Variants in PCLO observed in about 807,000 individuals in gnomAD.
PCLO encodes protein piccolo.
PCLO carries 82 observed loss-of-function variants against 427.5 expected under a neutral mutation model. That is an observed-to-expected ratio of 0.19 (90% CI 0.16 to 0.23). The LOEUF (loss-of-function observed/expected upper bound fraction) is 0.23. Among genes scored for constraint, PCLO ranks in the 10% least tolerant of loss-of-function variants. The pLI, the probability that PCLO is intolerant of heterozygous loss-of-function variation, is 1.00. For synonymous variants in PCLO, 2,357 were observed against 2,155.4 expected, an observed-to-expected ratio of 1.09 and a Z score of -2.59; for missense variants, 6,239 against 6,115.9, an observed-to-expected ratio of 1.02 and a Z score of -0.67.
At chr7:83,034,624 C>T (rs1017605322) in intron 3 of PCLO, among the ~76,000 whole-genome samples, 1 of 152,226 alleles carries the variant, frequency 6.6e-6, no homozygotes, top group Non-Finnish European at 1.5e-5. Flanking sequence ...AGCCAAGTCT[C>T]TCACATATTG....
At chr7:82,840,911 A>ATT (rs911326339) in intron 14 of PCLO, among the ~76,000 whole-genome samples, 6 of 151,820 alleles carry the variant, frequency 4.0e-5, no homozygotes, top group African/African-American at 1.4e-4. Flanking sequence ...ATATATAAAT[A>ATT]TCAAAACACA....
At chr7:83,104,371 T>G (rs1485627191) in intron 3 of PCLO, among the ~76,000 whole-genome samples, 1 of 152,036 alleles carries the variant, frequency 6.6e-6, no homozygotes, top group Non-Finnish European at 1.5e-5. Context: ...CTCAGCCATT[T>G]AATAATATAC....
chr7:82,818,648 T>G (rs1791725565), intron 20 of PCLO, among the ~76,000 whole-genome samples: 1 of 152,182 alleles, frequency 6.6e-6, no homozygotes, highest in African/African-American at 2.4e-5. Context: ...TCAAAAATTA[T>G]AACTCAAAAA....
chr7:82,859,047 G>T (rs1792884430), intron 10 of PCLO, among the ~76,000 whole-genome samples: 1 of 152,170 alleles, frequency 6.6e-6, no homozygotes, highest in Non-Finnish European at 1.5e-5. Flanking sequence ...GAGTGGGAAG[G>T]ATTGCGTTTG....
intron 22 of PCLO, among the ~76,000 whole-genome samples, chr7:82,768,347 T>G (rs544941067): frequency 6.6e-6 from 1 of 151,040 alleles, no homozygotes; most frequent in East Asian, 2.0e-4. Flanking sequence ...TGCCTGAACC[T>G]GGGAGGCAGA....
At position 83,156,409 on chromosome 7, in the gene PCLO, A is replaced by G. The variant is rs769628137; in HGVS notation, c.249-17T>C. On this transcript the variant is annotated splice_polypyrimidine_tract_variant and intron_variant, in intron 1 of 24. Transcript: ENST00000333891. ...TCTTGTTTCCTAGAAGAGTTAAAAA[A>G]AAAAAAAAAAATCAAGTGAAAATAA... 5 of 1,425,952 alleles carry G rather than the reference A, an allele frequency of 3.5e-6. No individual in the cohort carries two copies. In the African/African-American group the frequency reaches 4.3e-5, roughly 12 times the overall value. The allele number at this position is 1,425,952 out of a possible 1,614,324, so 88.3% of individuals were successfully genotyped here. A position where few individuals can be genotyped will look rare whatever the true frequency, so the allele number is the denominator to read the frequency against.
intron 3 of PCLO, among the ~76,000 whole-genome samples, chr7:83,002,488 C>T (rs1463049638): frequency 6.6e-6 from 1 of 151,852 alleles, no homozygotes; most frequent in Non-Finnish European, 1.5e-5. Context: ...GCAATTTTTA[C>T]ATACTCTAAA....
chr7:82,757,675 C>T lies in PCLO; in HGVS notation c.*900G>A, dbSNP rs1161818607. ...TGCAGTTTCACAAAGAGTAAGTTAT[C>T]ATGCTTCCTAGAACATATCAGTTTA... On this transcript the variant is annotated 3_prime_UTR_variant, in exon 25 of 25. Transcript: ENST00000333891. 1 of 151,924 alleles carries T rather than the reference C, an allele frequency of 6.6e-6. No homozygotes were observed. Among genetic ancestry groups the T allele is most frequent in the African/African-American group, 2.4e-5 (1 of 41,402 alleles). 9.4% of individuals were successfully genotyped at this position (151,924 alleles called of 1,614,324 possible).
intron 10 of PCLO, among the ~76,000 whole-genome samples, chr7:82,865,042 T>G (rs1793059023): frequency 1.3e-5 from 2 of 152,200 alleles, no homozygotes; most frequent in Non-Finnish European, 2.9e-5. Flanking sequence ...AAAGTGATAT[T>G]GATACAGCCA....
chr7:83,055,321 C>T (rs989365849), intron 3 of PCLO, among the ~76,000 whole-genome samples: 3 of 152,070 alleles, frequency 2.0e-5, no homozygotes, highest in Admixed American at 2.0e-4. Context: ...GACATTCCAT[C>T]ACAATTACTT....
At chr7:82,822,914 A>T (rs1037205982) in intron 19 of PCLO, among the ~76,000 whole-genome samples, 4 of 152,188 alleles carry the variant, frequency 2.6e-5, no homozygotes, top group Non-Finnish European at 5.9e-5. Context: ...AGAACTTTGA[A>T]AAAAGAAATA....
chr7:82,841,388 A>G, intron 14 of PCLO, 71 bp downstream of exon 14: 1 of 896,808 alleles, frequency 1.1e-6, no homozygotes, highest in Non-Finnish European at 1.9e-6. Context: ...GTGTGTTTAC[A>G]ATTTCAACAA....
chr7:83,038,930 G>A (rs1461651920), intron 3 of PCLO, among the ~76,000 whole-genome samples: 1 of 151,942 alleles, frequency 6.6e-6, no homozygotes, highest in Non-Finnish European at 1.5e-5. Flanking sequence ...CCATTCTAGT[G>A]AGTATGAAGT....
intron 21 of PCLO, among the ~76,000 whole-genome samples, chr7:82,801,843 A>G (rs1758233743): frequency 6.6e-6 from 1 of 152,130 alleles, no homozygotes; most frequent in South Asian, 2.1e-4. Flanking sequence ...ATACCTCAAC[A>G]TTCAGTAGTT....
intron 3 of PCLO, among the ~76,000 whole-genome samples, chr7:82,999,290 TATA>T (rs929837723): frequency 7.7e-5 from 11 of 142,514 alleles, no homozygotes; most frequent in East Asian, 2.0e-4. Flanking sequence ...TATATGGATA[TATA>T]ATATTATATA....
At chr7:82,988,811 TTTTTTTTATTTTTTA>T (rs1256384456) in intron 3 of PCLO, among the ~76,000 whole-genome samples, 1 of 151,292 alleles carries the variant, frequency 6.6e-6, no homozygotes, top group African/African-American at 2.4e-5. Context: ...CAGAATTTAT[TTTTTTTTATTTTTTA>T]TTTTTTTATT....
intron 10 of PCLO, among the ~76,000 whole-genome samples, chr7:82,857,408 C>A (rs951782259): frequency 5.3e-5 from 8 of 151,950 alleles, no homozygotes; most frequent in African/African-American, 1.9e-4. Flanking sequence ...TTATGATATT[C>A]ATATATTCTG....
At chr7:82,773,493 T>C (rs1790686722) in intron 22 of PCLO, among the ~76,000 whole-genome samples, 1 of 152,194 alleles carries the variant, frequency 6.6e-6, no homozygotes, top group African/African-American at 2.4e-5. Flanking sequence ...ATCTTATCAC[T>C]CTTAAAATGC....
At chr7:83,076,614 T>C (rs1024470711) in intron 3 of PCLO, among the ~76,000 whole-genome samples, 1 of 140,120 alleles carries the variant, frequency 7.1e-6, no homozygotes, top group Non-Finnish European at 1.5e-5. Flanking sequence ...TTCTGTTTAA[T>C]GTTATTTTCC....
Sources: gnomAD v4.1 joint callset for allele counts (sites outside exome capture counted in the v4.1 genomes callset) on GRCh38, gnomAD v4.1.1 for gene constraint, MANE v1.5 for transcripts, NCBI Gene and HGNC (gene_info 2026-07-23, HGNC 2026-07-21) for gene names.